Variants in CCSER1 observed in about 807,000 individuals in gnomAD.
The protein encoded by CCSER1 is serine-rich coiled-coil domain-containing protein 1.
Under a neutral mutation model 82.0 loss-of-function variants are expected in CCSER1, and 41 were observed. The ratio of observed to expected loss-of-function variants is 0.50; its 90% CI spans 0.39 to 0.65. The LOEUF (loss-of-function observed/expected upper bound fraction) is 0.65, where lower values mean the gene tolerates loss of function less well. CCSER1 is among the 30% of genes least tolerant of loss of function. The pLI, the probability that CCSER1 is intolerant of heterozygous loss-of-function variation, is 0.00. For synonymous variants in CCSER1, 414 were observed against 383.9 expected (o/e 1.08, Z -0.92); for missense variants, 1,119 against 1,064.2 (o/e 1.05, Z -0.72).
chr4:91,019,714 T>C (rs546373540), intron 9 of CCSER1, among the ~76,000 whole-genome samples: 1 of 152,172 alleles, frequency 6.6e-6, no homozygotes, highest in Non-Finnish European at 1.5e-5. Context: ...GCATATTACA[T>C]GGACTTTAGA....
chr4:90,575,995 A>C (rs1780718053), intron 5 of CCSER1, among the ~76,000 whole-genome samples: 1 of 151,760 alleles, frequency 6.6e-6, no homozygotes, highest in African/African-American at 2.4e-5. Flanking sequence ...CTGGAAATGC[A>C]GTTTTCATAT....
At chr4:90,245,894 A>T (rs1721324013) in intron 1 of CCSER1, among the ~76,000 whole-genome samples, 1 of 152,192 alleles carries the variant, frequency 6.6e-6, no homozygotes, top group Non-Finnish European at 1.5e-5. Context: ...AGCCTAAGAA[A>T]AGTGAAAAAA....
intron 3 of CCSER1, among the ~76,000 whole-genome samples, chr4:90,346,673 G>A (rs1742412283): frequency 1.3e-5 from 2 of 152,000 alleles, no homozygotes; most frequent in Admixed American, 1.3e-4. Context: ...GTGTGCCTGT[G>A]TATGTCTGTG....
At chr4:91,381,346 C>A (rs1000707533) in intron 10 of CCSER1, among the ~76,000 whole-genome samples, 8 of 152,144 alleles carry the variant, frequency 5.3e-5, no homozygotes, top group African/African-American at 1.9e-4. Context: ...GAGTGTTTTC[C>A]AACTTGGTTC....
chr4:91,097,790 A>G (rs1724651989), intron 10 of CCSER1, among the ~76,000 whole-genome samples: 1 of 152,190 alleles, frequency 6.6e-6, no homozygotes, highest in South Asian at 2.1e-4. Flanking sequence ...AGATTCTTAT[A>G]GACACTTAGG....
chr4:91,071,515 TC>T (rs1470913314), intron 9 of CCSER1, among the ~76,000 whole-genome samples: 7 of 152,148 alleles, frequency 4.6e-5, no homozygotes, highest in South Asian at 2.1e-4. Context: ...TTAAGAACTA[TC>T]AAGAGAGTCA....
At chr4:90,536,005 A>G (rs1012834079) in intron 5 of CCSER1, among the ~76,000 whole-genome samples, 2 of 150,766 alleles carry the variant, frequency 1.3e-5, no homozygotes, top group Non-Finnish European at 3.0e-5. Context: ...ATGTGTTGAC[A>G]CTAATATTTC....
chr4:90,384,551 T>C (rs1036976181), intron 3 of CCSER1, among the ~76,000 whole-genome samples: 3 of 152,098 alleles, frequency 2.0e-5, no homozygotes, highest in African/African-American at 7.2e-5. Flanking sequence ...GTGATTTTCC[T>C]AAAGTGAATA....
chr4:90,409,306 G>A (rs1346109467), intron 4 of CCSER1, among the ~76,000 whole-genome samples: 1 of 152,104 alleles, frequency 6.6e-6, no homozygotes, highest in African/African-American at 2.4e-5. Flanking sequence ...CTCGAGAAGA[G>A]CAACTCCAAG....
chr4:90,176,264 G>A (rs1044719633), intron 1 of CCSER1, among the ~76,000 whole-genome samples: 3 of 151,898 alleles, frequency 2.0e-5, no homozygotes, highest in African/African-American at 7.3e-5. Flanking sequence ...GTGAATTCAG[G>A]AAAAAGAGTT....
chr4:90,803,210 T>C (rs917013877), intron 7 of CCSER1, among the ~76,000 whole-genome samples: 1 of 145,198 alleles, frequency 6.9e-6, no homozygotes, highest in African/African-American at 2.5e-5. Context: ...TTTTTAATGT[T>C]TTTGTCTTTT....
At chr4:90,883,178 A>G (rs1463305231) in intron 8 of CCSER1, among the ~76,000 whole-genome samples, 1 of 152,026 alleles carries the variant, frequency 6.6e-6, no homozygotes, top group East Asian at 1.9e-4. Flanking sequence ...ATTTTAGTCA[A>G]TAATAAAGTT....
chr4:90,160,043 G>A (rs1211347697), intron 1 of CCSER1, among the ~76,000 whole-genome samples: 1 of 152,170 alleles, frequency 6.6e-6, no homozygotes, highest in Non-Finnish European at 1.5e-5. Context: ...TCATTTTACA[G>A]ATTGGAAAAT....
chr4:91,054,814 C>T (rs1581436041), intron 9 of CCSER1, among the ~76,000 whole-genome samples: 1 of 152,194 alleles, frequency 6.6e-6, no homozygotes, highest in East Asian at 1.9e-4. Flanking sequence ...CTCCAATTAG[C>T]ATTCCCTTTG....
At chr4:90,224,269 T>C (rs955228951) in intron 1 of CCSER1, among the ~76,000 whole-genome samples, 10 of 152,216 alleles carry the variant, frequency 6.6e-5, no homozygotes, top group African/African-American at 2.2e-4. Context: ...ATAGTTTGCA[T>C]TTTATTCACT....
At chr4:90,876,856 C>T (rs1050880088) in intron 8 of CCSER1, among the ~76,000 whole-genome samples, 7 of 151,968 alleles carry the variant, frequency 4.6e-5, no homozygotes, top group African/African-American at 1.4e-4. Context: ...ATCTATAAAA[C>T]GTAATTATTA....
At position 90,359,352 on chromosome 4, in the gene CCSER1, T is replaced by C. The variant is rs561464867; in HGVS notation, c.1510-40684T>C. 3.2e-4 allele frequency among the ~76,000 whole-genome samples: 49 copies of C among 152,332 alleles called. 1 individual carries two copies. The highest frequency in any genetic ancestry group is 1.1e-3 in the African/African-American group (46 of 41,578). On this transcript the variant is annotated intron_variant, in intron 3 of 10. Transcript: ENST00000509176. Reference sequence around the variant, plus strand: ...TTTTGGAAACCATTTTTAAATTCAGTAGAGTATACCTCTTTCATTTATTTA... The same window carrying C: ...TTTTGGAAACCATTTTTAAATTCAGCAGAGTATACCTCTTTCATTTATTTA...
At chr4:90,530,065 C>A (rs1774316833) in intron 5 of CCSER1, among the ~76,000 whole-genome samples, 1 of 151,826 alleles carries the variant, frequency 6.6e-6, no homozygotes. Flanking sequence ...CACAAATGAA[C>A]TACATTGTGT....
intron 7 of CCSER1, among the ~76,000 whole-genome samples, chr4:90,785,154 A>T (rs1465207724): frequency 6.6e-6 from 1 of 152,150 alleles, no homozygotes; most frequent in African/African-American, 2.4e-5. Context: ...CTCCCACCTC[A>T]GCCTCCCAAG....
Sources: gnomAD v4.1 joint callset for allele counts (sites outside exome capture counted in the v4.1 genomes callset) on GRCh38, gnomAD v4.1.1 for gene constraint, MANE v1.5 for transcripts, NCBI Gene and HGNC (gene_info 2026-07-23, HGNC 2026-07-21) for gene names.